Variants in ZSWIM5 observed in about 807,000 individuals in gnomAD.
ZSWIM5 encodes zinc finger SWIM-type containing 5.
ZSWIM5 carries 55 observed loss-of-function variants against 119.6 expected under a neutral mutation model. The ratio of observed to expected loss-of-function variants is 0.46; its 90% CI spans 0.37 to 0.58. ZSWIM5 has a LOEUF of 0.58. ZSWIM5 is among the 20% of genes least tolerant of loss of function. The pLI is 0.00. For missense variants in ZSWIM5, 1,193 were observed against 1,512.8 expected (o/e 0.79, Z 3.51); for synonymous variants, 537 against 606.9 (o/e 0.88, Z 1.69).
chr1:45,119,737 T>A (rs1297233713), intron 1 of ZSWIM5, among the ~76,000 whole-genome samples: 1 of 152,232 alleles, frequency 6.6e-6, no homozygotes, highest in Non-Finnish European at 1.5e-5. Context: ...TTTTGTCTTA[T>A]GATTATCATT....
intron 1 of ZSWIM5, among the ~76,000 whole-genome samples, chr1:45,199,335 G>A (rs1393976943): frequency 7.0e-6 from 1 of 143,768 alleles, no homozygotes; most frequent in East Asian, 2.0e-4. Context: ...GTCTCACTCT[G>A]TCGCCCAGGC....
chr1:45,085,528 G>GTTT (rs771375917), intron 2 of ZSWIM5, among the ~76,000 whole-genome samples: 47 of 112,724 alleles, frequency 4.2e-4, no homozygotes, highest in African/African-American at 6.0e-4. Flanking sequence ...TAGTTTGTTT[G>GTTT]TTTTTTTTTT....
chr1:45,182,683 C>T lies in ZSWIM5; in HGVS notation c.595+23073G>A, dbSNP rs1258847542. Among the ~76,000 whole-genome samples the T allele has an allele frequency of 2.0e-5, 3 of 151,926 alleles. No individual in the cohort carries two copies. The East Asian group carries it at 5.8e-4, about 29-fold the overall frequency. The stretch of plus-strand genomic sequence containing the variant: ...TTACATAATGGTAAAGGGATCAATT[C>T]AACAAGAAGAGCTAACTATCCTAAA... On this transcript the variant is annotated intron_variant, in intron 1 of 13. Transcript: ENST00000359600.
chr1:45,170,075 T>C (rs1645936862), intron 1 of ZSWIM5, among the ~76,000 whole-genome samples: 1 of 152,164 alleles, frequency 6.6e-6, no homozygotes, highest in African/African-American at 2.4e-5. Flanking sequence ...TGCCTTATTA[T>C]AGCCTATTTA....
At chr1:45,151,386 A>C (rs1331759224) in intron 1 of ZSWIM5, among the ~76,000 whole-genome samples, 1 of 152,078 alleles carries the variant, frequency 6.6e-6, no homozygotes, top group Non-Finnish European at 1.5e-5. Context: ...GGATGTTTGC[A>C]AAATAAATAA....
chr1:45,099,895 T>C (rs1023776069), intron 1 of ZSWIM5, among the ~76,000 whole-genome samples: 1 of 152,166 alleles, frequency 6.6e-6, no homozygotes. Context: ...ATGTAACGTA[T>C]CTCAAAATAA....
intron 11 of ZSWIM5, among the ~76,000 whole-genome samples, chr1:45,031,516 T>C (rs1325546123): frequency 6.6e-6 from 1 of 151,950 alleles, no homozygotes. Context: ...TCCCTATGCT[T>C]ACCTTGGGTT....
intron 11 of ZSWIM5, among the ~76,000 whole-genome samples, chr1:45,030,798 C>CTTTTTT (rs56045429): frequency 7.5e-6 from 1 of 133,102 alleles, no homozygotes; most frequent in African/African-American, 2.8e-5. Context: ...TTCATTCTTT[C>CTTTTTT]TTTTTTTTTT....
chr1:45,103,662 G>C (rs1645453344), intron 1 of ZSWIM5, among the ~76,000 whole-genome samples: 1 of 152,164 alleles, frequency 6.6e-6, no homozygotes, highest in Admixed American at 6.5e-5. Flanking sequence ...AAATGTTCAA[G>C]GTAACTGAAA....
intron 1 of ZSWIM5, among the ~76,000 whole-genome samples, chr1:45,157,760 C>T (rs542001133): frequency 4.6e-5 from 7 of 152,242 alleles, no homozygotes; most frequent in African/African-American, 9.6e-5. Context: ...GACCTTTTTC[C>T]AAAGTGGTTA....
intron 1 of ZSWIM5, among the ~76,000 whole-genome samples, chr1:45,147,599 A>C (rs969264858): frequency 5.3e-5 from 8 of 151,204 alleles, no homozygotes; most frequent in Admixed American, 2.0e-4. Flanking sequence ...AAAAAAAAAA[A>C]AAAAAGGAAG....
chr1:45,146,430 A>ATT (rs1215865199), intron 1 of ZSWIM5, among the ~76,000 whole-genome samples: 3 of 94,868 alleles, frequency 3.2e-5, no homozygotes, highest in African/African-American at 4.6e-5. Flanking sequence ...CTGTTTCTAG[A>ATT]CTTTTTTTTT....
chr1:45,205,757 G>T lies in ZSWIM5; in HGVS notation c.594C>A (p.Val198=). The part of the protein sequence containing the change: ...DSGSVENVLQ[V]GFHLSGTVTE... Reference sequence around the variant, plus strand: ...GAGAACGCCTGGACGAGCACATACCGACTTGCAGCACGTTCTCCACGGAGC... The same window carrying T: ...GAGAACGCCTGGACGAGCACATACCTACTTGCAGCACGTTCTCCACGGAGC... Residue 198 remains valine, a splice_region_variant and synonymous_variant, in exon 1 of 14, where the codon GTC becomes GTA. Coordinates refer to ENST00000359600, the MANE Select transcript of ZSWIM5 (RefSeq NM_020883.2). 1 of 1,565,882 alleles carries T rather than the reference G, an allele frequency of 6.4e-7. No homozygotes were observed. Among genetic ancestry groups the T allele is most frequent in the Non-Finnish European group, 8.6e-7 (1 of 1,160,962 alleles).
intron 3 of ZSWIM5, 81 bp from the exon 4 acceptor site, chr1:45,058,840 G>A: frequency 2.6e-6 from 4 of 1,528,976 alleles, no homozygotes; most frequent in South Asian, 2.3e-5. Context: ...GGAGGGGGAA[G>A]TGAAGATGAA....
rs1291419464 is a variant in ZSWIM5 at position 45,065,353 on chromosome 1, T to A, written c.953-5106A>T. On this transcript the variant is annotated intron_variant, in intron 2 of 13. Coordinates refer to ENST00000359600, the MANE Select transcript of ZSWIM5 (RefSeq NM_020883.2). ...AGGATATGAAAAAGCAGGAACAGGA[T>A]CTAGTCTTTTAGGGCAGTCGGCCTT... Among the ~76,000 whole-genome samples, 4 of 152,240 alleles carry A rather than the reference T, an allele frequency of 2.6e-5. No individual in the cohort carries two copies. The East Asian group carries it at 7.7e-4, about 29-fold the overall frequency.
At chr1:45,034,132 G>A (rs894846577) in intron 11 of ZSWIM5, among the ~76,000 whole-genome samples, 180 bp downstream of exon 11, 11 of 152,306 alleles carry the variant, frequency 7.2e-5, no homozygotes, top group Admixed American at 4.6e-4. Context: ...GATTACAGGC[G>A]TAAGCCACCG....
At chr1:45,154,197 C>T (rs1645813849) in intron 1 of ZSWIM5, among the ~76,000 whole-genome samples, 1 of 151,936 alleles carries the variant, frequency 6.6e-6, no homozygotes, top group African/African-American at 2.4e-5. Flanking sequence ...AAATTCAATG[C>T]AATTCCCATC....
At chr1:45,138,765 C>T (rs1645705785) in intron 1 of ZSWIM5, among the ~76,000 whole-genome samples, 2 of 152,132 alleles carry the variant, frequency 1.3e-5, no homozygotes, top group South Asian at 4.1e-4. Context: ...ACCCACTAAT[C>T]TCATGAGTGA....
chr1:45,187,489 A>G (rs1046311756), intron 1 of ZSWIM5, among the ~76,000 whole-genome samples: 1 of 152,202 alleles, frequency 6.6e-6, no homozygotes, highest in Non-Finnish European at 1.5e-5. Flanking sequence ...GAAAACACTT[A>G]GAAGAAAACA....
Sources: gnomAD v4.1 joint callset for allele counts (sites outside exome capture counted in the v4.1 genomes callset) on GRCh38, gnomAD v4.1.1 for gene constraint, MANE v1.5 for transcripts, NCBI Gene and HGNC (gene_info 2026-07-23, HGNC 2026-07-21) for gene names.